The following MYOF variants were observed in gnomAD, a reference collection of about 807,000 sequenced individuals.
The protein encoded by MYOF is fer-1-like 3, myoferlin.
MYOF carries 244 observed loss-of-function variants against 284.2 expected under a neutral mutation model. That is an observed-to-expected ratio of 0.86 (90% CI 0.77 to 0.95). The LOEUF is 0.95. MYOF is among the 40% of genes least tolerant of loss of function. MYOF has a pLI of 0.00. For synonymous variants in MYOF, 904 were observed against 919.7 expected (o/e 0.98, Z 0.31); for missense variants, 2,496 against 2,560.6 (o/e 0.97, Z 0.54).
chr10:93,333,525 G>GC (rs1489850338), intron 42 of MYOF, among the ~76,000 whole-genome samples: 1 of 151,832 alleles, frequency 6.6e-6, no homozygotes, highest in Non-Finnish European at 1.5e-5. Flanking sequence ...GGGGCGGGGG[G>GC]GAGTCCTGGC....
At chr10:93,406,288 T>TTATATGTATATATATATATATATATATA (rs1554855593) in intron 7 of MYOF, among the ~76,000 whole-genome samples, 1 of 58,128 alleles carries the variant, frequency 1.7e-5, no homozygotes, top group Non-Finnish European at 4.3e-5. Context: ...TAAACCTCTT[T>TTATATGTATATATATATATATATATATA]TATATATATA....
At chr10:93,469,174 T>C (rs1410251400) in intron 1 of MYOF, among the ~76,000 whole-genome samples, 1 of 151,924 alleles carries the variant, frequency 6.6e-6, no homozygotes, top group Admixed American at 6.6e-5. Context: ...CCGAGGTGGG[T>C]GGATCGCTTG....
intron 17 of MYOF, 67 bp downstream of exon 17, chr10:93,392,850 A>T: frequency 7.0e-7 from 1 of 1,423,992 alleles, no homozygotes. Context: ...AAGACAGTCG[A>T]TACATTCTTA....
chr10:93,315,376 A>G (rs1282679526), intron 50 of MYOF, among the ~76,000 whole-genome samples: 2 of 152,166 alleles, frequency 1.3e-5, no homozygotes, highest in Non-Finnish European at 2.9e-5. Flanking sequence ...GTGCGTGATA[A>G]AACAGATGAC....
intron 35 of MYOF, among the ~76,000 whole-genome samples, chr10:93,350,684 T>A (rs1240476706): frequency 6.6e-6 from 1 of 152,152 alleles, no homozygotes. Context: ...CTTTGAGAAC[T>A]CTTAGCAGGA....
At chr10:93,343,075 A>G (rs553625552) in intron 38 of MYOF, among the ~76,000 whole-genome samples, 1 of 152,222 alleles carries the variant, frequency 6.6e-6, no homozygotes, top group South Asian at 2.1e-4. Flanking sequence ...GGCACTGTTT[A>G]TGGACATAAC....
intron 7 of MYOF, among the ~76,000 whole-genome samples, chr10:93,406,315 T>TATATATATATATATATA (rs1847582770): frequency 8.2e-6 from 1 of 122,162 alleles, no homozygotes; most frequent in African/African-American, 2.6e-5. Flanking sequence ...TATATATATA[T>TATATATATATATATATA]ATTTGTTTTT....
At chr10:93,340,338 G>T (rs1346339703) in intron 38 of MYOF, 174 bp from the exon 39 acceptor site, 6 of 635,836 alleles carry the variant, frequency 9.4e-6, no homozygotes. Context: ...TCTAAGTCAG[G>T]ATGAGCCCAC....
intron 7 of MYOF, among the ~76,000 whole-genome samples, chr10:93,404,537 C>T (rs2134101020): frequency 6.7e-6 from 1 of 149,080 alleles, no homozygotes; most frequent in East Asian, 2.0e-4. Context: ...AAGCAGGTAT[C>T]GGGGTACACC....
At position 93,385,843 on chromosome 10, in the gene MYOF, C is replaced by CTTT. The variant is rs34820102; in HGVS notation, c.1698+1951_1698+1953dup. ...TACTGTGGGCAATATATATTGTTGA[C>CTTT]TTTTTTTTTTTTTTGCTTTTACACT... On this transcript the variant is annotated intron_variant, in intron 19 of 53. Coordinates refer to ENST00000359263, the MANE Select transcript of MYOF (RefSeq NM_013451.4). Among the ~76,000 whole-genome samples, 45 of 142,922 alleles carry CTTT rather than the reference C, an allele frequency of 3.1e-4. No individual in the cohort carries two copies. The East Asian group carries it at 4.4e-3, about 14-fold the overall frequency. 93.8% of individuals were successfully genotyped at this position (142,922 alleles called of 152,430 possible).
intron 1 of MYOF, among the ~76,000 whole-genome samples, chr10:93,471,135 A>G (rs1019661891): frequency 9.2e-5 from 14 of 152,194 alleles, no homozygotes; most frequent in African/African-American, 2.9e-4. Context: ...GATTTTTAAT[A>G]CTTTACATTA....
Position 93,369,745 on chromosome 10 carries a change from A to G in MYOF, c.2489T>C (p.Val830Ala). 1 of 1,614,154 alleles carries G rather than the reference A, an allele frequency of 6.2e-7. No homozygotes were observed. The highest frequency in any genetic ancestry group is 1.1e-5 in the South Asian group (1 of 91,084). ...YPQEKNNGPK[V>A]PVELRVNIWL... ...GATGTTCACTCGCAACTCCACAGGC[A>G]CCTTTGGCCCGTTGTTTTTCTCCTG... The change falls in exon 25 of 54, where the codon GTG (valine) becomes GCG (alanine). Residue 830 changes from valine (V) to alanine (A), a missense_variant. By Grantham distance (64) the Val-to-Ala change is moderately conservative. Coordinates refer to ENST00000359263, the MANE Select transcript of MYOF (RefSeq NM_013451.4).
intron 12 of MYOF, among the ~76,000 whole-genome samples, chr10:93,400,012 C>G (rs928911265): frequency 3.9e-5 from 6 of 152,138 alleles, no homozygotes; most frequent in Non-Finnish European, 5.9e-5. Flanking sequence ...GCCTAGGTGA[C>G]AGAGTGAGGC....
rs567508387 is a variant in MYOF at position 93,403,144 on chromosome 10, C to T, written c.844-254G>A. Among the ~76,000 whole-genome samples, 28 of 152,216 alleles carry T rather than the reference C, an allele frequency of 1.8e-4. No homozygotes were observed. In the South Asian group the frequency reaches 5.8e-3, roughly 32 times the overall value. On this transcript the variant is annotated intron_variant, in intron 9 of 53. Transcript: ENST00000359263. ...GGAAGGGACCACAGAAGCAGAGTGA[C>T]CAATATGACCCAGTTTGCCTGGGTT...
intron 2 of MYOF, 93 bp downstream of exon 2, chr10:93,456,789 C>T: frequency 3.3e-6 from 3 of 913,558 alleles, no homozygotes; most frequent in Non-Finnish European, 5.1e-6. Context: ...AGAGATTCTC[C>T]TTCCGAAGGG....
At chr10:93,409,828 C>T (rs1222766794) in intron 5 of MYOF, 89 bp from the exon 6 acceptor site, 6 of 1,502,970 alleles carry the variant, frequency 4.0e-6, no homozygotes, top group Non-Finnish European at 5.4e-6. Flanking sequence ...GTTTTGTCTG[C>T]CATTATGTTT....
intron 13 of MYOF, among the ~76,000 whole-genome samples, chr10:93,397,935 CCTGGAATGTCTTCAAGCT>C (rs1314261226): frequency 1.3e-5 from 2 of 152,114 alleles, no homozygotes; most frequent in Admixed American, 6.5e-5. Context: ...TCAAGCAGAT[CCTGGAATGTCTTCAAGCT>C]GATCCTGAAA....
chr10:93,345,530 AC>A (rs1232568831), intron 37 of MYOF, among the ~76,000 whole-genome samples: 6 of 152,214 alleles, frequency 3.9e-5, no homozygotes, highest in Admixed American at 3.9e-4. Flanking sequence ...TCCACGTGGC[AC>A]CCCTAGACCT....
chr10:93,369,443 A>G (rs1845486810), intron 25 of MYOF, among the ~76,000 whole-genome samples: 1 of 152,176 alleles, frequency 6.6e-6, no homozygotes, highest in Non-Finnish European at 1.5e-5. Context: ...GTTAATCACC[A>G]TGGTGTGTTC....
Sources: gnomAD v4.1 joint callset for allele counts (sites outside exome capture counted in the v4.1 genomes callset) on GRCh38, gnomAD v4.1.1 for gene constraint, MANE v1.5 for transcripts, NCBI Gene and HGNC (gene_info 2026-07-23, HGNC 2026-07-21) for gene names.